Variants in PATL2 observed in about 807,000 individuals in gnomAD.
PATL2 encodes protein PAT1 homolog 2.
Under a neutral mutation model 77.0 loss-of-function variants are expected in PATL2, and 73 were observed. The observed-to-expected ratio is 0.95, with a 90% CI of 0.78 to 1.15. The LOEUF (loss-of-function observed/expected upper bound fraction) is 1.15, where lower values mean the gene tolerates loss of function less well. Ranked by LOEUF, PATL2 falls within the 50% of genes most tolerant of loss-of-function variation. The probability of loss-of-function intolerance (pLI) is 0.00; values close to 1 mark genes in which losing one functional copy is unlikely to be tolerated. For synonymous variants in PATL2, 265 were observed against 257.1 expected (o/e 1.03, Z -0.29); for missense variants, 618 against 655.4 (o/e 0.94, Z 0.62).
chr15:44,686,330 G>A (rs1406954988), intron 3 of PATL2, among the ~76,000 whole-genome samples: 1 of 152,074 alleles, frequency 6.6e-6, no homozygotes, highest in African/African-American at 2.4e-5. Context: ...ACAATATTAA[G>A]GCAGAAATAA....
intron 9 of PATL2, among the ~76,000 whole-genome samples, 166 bp downstream of exon 9, chr15:44,671,849 G>A (rs1253485162): frequency 6.6e-6 from 1 of 152,178 alleles, no homozygotes; most frequent in Non-Finnish European, 1.5e-5. Context: ...AGAGAAATGA[G>A]TTTGGGATGT....
In PATL2 at chr15:44,675,547, A is replaced by G. The variant is rs774377561; in HGVS notation, c.161T>C (p.Leu54Pro). 3.2e-6 allele frequency: 5 copies of G among 1,551,794 alleles called. No homozygotes were observed. The highest frequency in any genetic ancestry group is 4.4e-6 in the Non-Finnish European group (5 of 1,147,022). Residue 54 changes from leucine (L) to proline (P), a missense_variant, in exon 5 of 18, where the codon CTA becomes CCA. Transcript: ENST00000682850. The part of the protein sequence containing the change: ...EDLDPDLDPD[L>P]EEEENDLGDP... ...CCCAAGATCATTCTCTTCCTCCTCT[A>G]GGTCTGGGTCCAGATCTGGGTCCAG... is the stretch of plus-strand genomic sequence containing the variant.
chr15:44,668,231 C>A, intron 15 of PATL2, 111 bp downstream of exon 15: 1 of 1,272,062 alleles, frequency 7.9e-7, no homozygotes, highest in Admixed American at 2.9e-5. Flanking sequence ...AATAGAGAAG[C>A]ACTGCAGAGG....
chr15:44,671,002 G>A (rs1773910307), intron 9 of PATL2, among the ~76,000 whole-genome samples: 1 of 152,160 alleles, frequency 6.6e-6, no homozygotes, highest in African/African-American at 2.4e-5. Context: ...GCCAAACAAG[G>A]ATTTGAAAAA....
At position 44,669,791 on chromosome 15, in the gene PATL2, C is replaced by A. The variant is rs1290220860; in HGVS notation, c.862G>T (p.Gly288Ter). The change falls in exon 11 of 18, where the codon GGA (glycine) becomes TGA (stop). Residue 288 changes from glycine (G) to a stop codon, truncating the protein, a stop_gained. Coordinates refer to ENST00000682850, the MANE Select transcript of PATL2 (RefSeq NM_001387263.1). LOFTEE classifies it high-confidence loss of function. The part of the protein sequence containing the change: ...PRRAIDAVPH[G>*]TQEQDIEAAS... ...AGTGCTCCCACCTGCTCTTGAGTTC[C>A]ATGGGGTACCGCATCAATAGCTCGG... is the stretch of plus-strand genomic sequence containing the variant. The A allele has an allele frequency of 6.4e-7, 1 of 1,551,584 alleles. No homozygotes were observed. The highest frequency in any genetic ancestry group is 2.4e-5 in the East Asian group (1 of 40,924).
At chr15:44,677,511 TCAA>T (rs918422024) in intron 3 of PATL2, among the ~76,000 whole-genome samples, 2 of 151,930 alleles carry the variant, frequency 1.3e-5, no homozygotes, top group African/African-American at 2.4e-5. Flanking sequence ...TAAAAACAAA[TCAA>T]CAACAACAAA....
At chr15:44,682,674 A>G (rs2086160024) in intron 3 of PATL2, among the ~76,000 whole-genome samples, 1 of 152,256 alleles carries the variant, frequency 6.6e-6, no homozygotes, top group South Asian at 2.1e-4. Flanking sequence ...AGAAATCATA[A>G]AAGAAAAGAT....
intron 3 of PATL2, among the ~76,000 whole-genome samples, chr15:44,708,204 A>G (rs1286558494): frequency 6.6e-6 from 1 of 152,182 alleles, no homozygotes; most frequent in Admixed American, 6.5e-5. Context: ...GTGATCACTC[A>G]CCTGATTTTT....
At chr15:44,699,738 A>T (rs186217810) in intron 3 of PATL2, among the ~76,000 whole-genome samples, 152 of 152,274 alleles carry the variant, frequency 1.0e-3, no homozygotes, top group Non-Finnish European at 1.5e-3. Context: ...TTTTCCCAGC[A>T]CCATTTATTG....
At position 44,669,970 on chromosome 15, in the gene PATL2, A is replaced by T; in HGVS notation, c.775T>A (p.Ser259Thr). The T allele has an allele frequency of 6.5e-7, 1 of 1,548,906 alleles. No homozygotes were observed. Among genetic ancestry groups the T allele is most frequent in the South Asian group, 1.2e-5 (1 of 83,638 alleles). The change falls in exon 10 of 18, where the codon TCC (serine) becomes ACC (threonine). Residue 259 changes from serine (S) to threonine (T), a missense_variant. Coordinates refer to ENST00000682850, the MANE Select transcript of PATL2 (RefSeq NM_001387263.1). The stretch of plus-strand genomic sequence containing the variant: ...AGCAGGTCAGCCCTGACCCTACCGG[A>T]CTCATAAGCCTCTGCCTTCGGAATG... ...PYIPKAEAYE[S>T]VVRIEGSLGQ...
Position 44,667,087 on chromosome 15 carries a change from A to G in PATL2, c.1463+19T>C. ...CCCGAGGGTACTAGATAGTATTTAC[A>G]AGGCCTTTATGATCTTACCAAGCTG... On this transcript the variant is annotated intron_variant, in intron 16 of 17. Coordinates refer to ENST00000682850, the MANE Select transcript of PATL2 (RefSeq NM_001387263.1). The G allele has an allele frequency of 1.3e-6, 2 of 1,523,566 alleles. No homozygotes were observed. Among genetic ancestry groups the G allele is most frequent in the Non-Finnish European group, 1.8e-6 (2 of 1,121,468 alleles). 94.4% of individuals were successfully genotyped at this position (1,523,566 alleles called of 1,614,324 possible).
intron 2 of PATL2, among the ~76,000 whole-genome samples, chr15:44,710,556 T>C (rs1293344496): frequency 6.6e-6 from 1 of 152,246 alleles, no homozygotes. Context: ...TTAATGTCAA[T>C]GGAATCAGGC....
At chr15:44,690,448 C>T (rs1305788383) in intron 3 of PATL2, among the ~76,000 whole-genome samples, 10 of 151,698 alleles carry the variant, frequency 6.6e-5, no homozygotes, top group Admixed American at 4.6e-4. Context: ...AAGTGATCCT[C>T]CCACCTCAGC....
chr15:44,704,722 T>C (rs560713734), intron 3 of PATL2, among the ~76,000 whole-genome samples: 4 of 152,248 alleles, frequency 2.6e-5, no homozygotes, highest in Non-Finnish European at 5.9e-5. Flanking sequence ...CTTCAAATTA[T>C]TTTTCATTGC....
At chr15:44,684,256 T>C (rs542164267) in intron 3 of PATL2, among the ~76,000 whole-genome samples, 1 of 152,072 alleles carries the variant, frequency 6.6e-6, no homozygotes, top group East Asian at 1.9e-4. Flanking sequence ...TTTGATGAAT[T>C]GACAGAAGAG....
Position 44,671,719 on chromosome 15 carries a change from G to A in PATL2, c.657+296C>T, listed in dbSNP as rs757184159. Among the ~76,000 whole-genome samples, 351 of 152,306 alleles carry A rather than the reference G, an allele frequency of 2.3e-3. 1 individual carries two copies. The highest frequency in any genetic ancestry group is 2.2e-3 in the Non-Finnish European group (151 of 68,032). The stretch of plus-strand genomic sequence containing the variant: ...ACAAGACATTTCTCAGCATACACAG[G>A]TGGGAAAATCCATATTTCCTGGGTG... On this transcript the variant is annotated intron_variant, in intron 9 of 17. Transcript: ENST00000682850.
At chr15:44,702,462 G>T (rs2086649622) in intron 3 of PATL2, among the ~76,000 whole-genome samples, 1 of 150,660 alleles carries the variant, frequency 6.6e-6, no homozygotes, top group Non-Finnish European at 1.5e-5. Context: ...CTTTTCTATT[G>T]TTTCCTTCAT....
intron 3 of PATL2, 162 bp from the exon 4 acceptor site, chr15:44,676,727 C>G: frequency 8.1e-7 from 1 of 1,227,992 alleles, no homozygotes; most frequent in Non-Finnish European, 1.1e-6. Flanking sequence ...AAACACCCAC[C>G]CTCCCAGCTC....
chr15:44,672,473 T>C lies in PATL2; in HGVS notation c.447-17A>G. The C allele has an allele frequency of 1.3e-6, 2 of 1,549,552 alleles. No homozygotes were observed. Among genetic ancestry groups the C allele is most frequent in the Non-Finnish European group, 1.7e-6 (2 of 1,145,146 alleles). On this transcript the variant is annotated splice_polypyrimidine_tract_variant and intron_variant, in intron 7 of 17. Coordinates refer to ENST00000682850, the MANE Select transcript of PATL2 (RefSeq NM_001387263.1). ...GTCAGATGACTGGGAAGACAAGAAGTAACGAGCTGGGTGGAAGGAAGCTCT... is the reference window on the plus strand; with the variant it reads ...GTCAGATGACTGGGAAGACAAGAAGCAACGAGCTGGGTGGAAGGAAGCTCT...
Sources: allele counts gnomAD v4.1 joint callset (sites outside exome capture counted in the v4.1 genomes callset), GRCh38; gene constraint gnomAD v4.1.1; transcripts MANE v1.5; gene names NCBI Gene and HGNC (gene_info 2026-07-23, HGNC 2026-07-21).